Variants in CLCN6 observed in about 807,000 individuals in gnomAD.
CLCN6 encodes H(+)/Cl(-) exchange transporter 6.
In CLCN6, 70 loss-of-function variants were observed where a neutral mutation model predicts 109.8. That is an observed-to-expected ratio of 0.64 (90% CI 0.53 to 0.78). The LOEUF (loss-of-function observed/expected upper bound fraction) is 0.78, where lower values mean the gene tolerates loss of function less well. Among genes scored for constraint, CLCN6 ranks in the 30% least tolerant of loss-of-function variants. The pLI is 0.00. For synonymous variants in CLCN6, 444 were observed against 447.8 expected (o/e 0.99, Z 0.11); for missense variants, 984 against 1,142.3 (o/e 0.86, Z 2.00).
chr1:11,822,545 C>T, intron 5 of CLCN6, 150 bp from the exon 6 acceptor site: 1 of 549,076 alleles, frequency 1.8e-6, no homozygotes, highest in Non-Finnish European at 3.3e-6. Flanking sequence ...ACCCAGTCAT[C>T]TCAGGCAGTT....
In CLCN6 at chr1:11,827,152, A is replaced by C. The variant is rs529897896; in HGVS notation, c.771A>C (p.Pro257=). ...GAGTTGCTGCAGCTTTCGGGGCGCC[A>C]ATCGGGGGTACCTTGTTCAGTCTAG... The part of the protein sequence containing the change: ...AAGVAAAFGA[P]IGGTLFSLEE... Residue 257 remains proline (P), a synonymous_variant, in exon 10 of 23, where the codon CCA becomes CCC. Transcript: ENST00000346436. 1.8e-5 allele frequency: 29 copies of C among 1,613,930 alleles called. No homozygotes were observed. In the South Asian group the frequency reaches 3.0e-4, roughly 17 times the overall value.
chr1:11,818,423 G>GA (rs113867470), intron 4 of CLCN6, among the ~76,000 whole-genome samples: 3 of 151,090 alleles, frequency 2.0e-5, no homozygotes, highest in Admixed American at 6.6e-5. Flanking sequence ...GTAGATATTC[G>GA]AAAAAAAAAT....
At chr1:11,815,032 CAAAA>C (rs35753548) in intron 2 of CLCN6, among the ~76,000 whole-genome samples, 14 of 125,278 alleles carry the variant, frequency 1.1e-4, no homozygotes, top group Non-Finnish European at 1.4e-4. Flanking sequence ...GACTCCGTCT[CAAAA>C]AAAAAAAAAA....
intron 9 of CLCN6, 57 bp downstream of exon 9, chr1:11,826,271 G>A (rs766834532): frequency 5.3e-5 from 73 of 1,381,856 alleles, no homozygotes; most frequent in Admixed American, 2.9e-4. Context: ...CATGCGCTGC[G>A]GGTCAGACTC....
At chr1:11,823,572 T>A (rs198399) in intron 6 of CLCN6, 135 bp from the exon 7 acceptor site, 485,864 of 1,148,646 alleles carry the variant, frequency 0.42, 111,144 homozygotes, top group African/African-American at 0.82. Flanking sequence ...GCTGTGGTTC[T>A]GCAAGCCCTC....
intron 18 of CLCN6, 76 bp from the exon 19 acceptor site, chr1:11,836,923 C>T: frequency 6.4e-7 from 1 of 1,553,800 alleles, no homozygotes; most frequent in Non-Finnish European, 8.7e-7. Flanking sequence ...TCCCTGTCAC[C>T]CAAATCCTTA....
At chr1:11,816,368 G>A (rs978901218) in intron 3 of CLCN6, among the ~76,000 whole-genome samples, 1 of 152,110 alleles carries the variant, frequency 6.6e-6, no homozygotes, top group Non-Finnish European at 1.5e-5. Flanking sequence ...TGCAAGGTAG[G>A]CCTATGTTGG....
chr1:11,823,060 G>T (rs1644765999), intron 6 of CLCN6, among the ~76,000 whole-genome samples: 1 of 152,138 alleles, frequency 6.6e-6, no homozygotes, highest in Non-Finnish European at 1.5e-5. Context: ...AAAACTGTTG[G>T]GTGCCATGCG....
chr1:11,826,974 A>C (rs568212850), intron 9 of CLCN6, 115 bp from the exon 10 acceptor site: 1 of 1,345,498 alleles, frequency 7.4e-7, no homozygotes, highest in South Asian at 1.3e-5. Context: ...CCCTTCCAGG[A>C]TCCCTGCCTA....
At chr1:11,806,628 G>A (rs2100594137) in intron 1 of CLCN6, 2 of 438,828 alleles carry the variant, frequency 4.6e-6, no homozygotes, top group East Asian at 7.5e-5. Context: ...AGTTTGGAAT[G>A]AAACAAGCGT....
chr1:11,837,554 G>A, intron 20 of CLCN6, 55 bp downstream of exon 20: 2 of 1,569,618 alleles, frequency 1.3e-6, no homozygotes, highest in Non-Finnish European at 8.7e-7. Flanking sequence ...AGCTCGAGGG[G>A]TTGGGCGCTG....
At chr1:11,814,021 C>G (rs1644636924) in intron 2 of CLCN6, among the ~76,000 whole-genome samples, 1 of 152,118 alleles carries the variant, frequency 6.6e-6, no homozygotes, top group African/African-American at 2.4e-5. Flanking sequence ...TACTCAGTCA[C>G]TTGTTGGTAC....
Position 11,834,050 on chromosome 1 carries a change from G to T in CLCN6, c.1526+20G>T. ...AAAAAGGTACTCTGTGTGTGTGCGT[G>T]TGTGTGCGCATGTGCATGTGTGTGC... is the stretch of plus-strand genomic sequence containing the variant. On this transcript the variant is annotated intron_variant, in intron 15 of 22. Coordinates refer to ENST00000346436, the MANE Select transcript of CLCN6 (RefSeq NM_001286.5). This position sits in a 1 kb window ranked among gnomAD's most constrained non-coding sequence, Gnocchi z 4.5. 1 of 1,612,692 alleles carries T rather than the reference G, an allele frequency of 6.2e-7. No homozygotes were observed. Among genetic ancestry groups the T allele is most frequent in the Non-Finnish European group, 8.5e-7 (1 of 1,179,176 alleles).
rs1170170695 is a variant in CLCN6 at position 11,840,405 on chromosome 1, G to A, written c.*182G>A. On this transcript the variant is annotated 3_prime_UTR_variant, in exon 23 of 23. Transcript: ENST00000346436. Reference sequence around the variant, plus strand: ...TCCTGGGGGTGGTTTTGAACCATCAGAGCTTGGACTTTTCTGACTTCCCCA... The same window carrying A: ...TCCTGGGGGTGGTTTTGAACCATCAAAGCTTGGACTTTTCTGACTTCCCCA... The A allele has an allele frequency of 8.0e-6, 5 of 626,570 alleles. No homozygotes were observed. Among genetic ancestry groups the A allele is most frequent in the Admixed American group, 5.1e-5 (2 of 39,424 alleles). The allele number at this position is 626,570 out of a possible 1,614,324, so 38.8% of individuals were successfully genotyped here.
chr1:11,821,568 A>G (rs1644744719), intron 5 of CLCN6, among the ~76,000 whole-genome samples: 1 of 152,230 alleles, frequency 6.6e-6, no homozygotes, highest in African/African-American at 2.4e-5. Flanking sequence ...AACAAATAAT[A>G]CAGGAAGAAC....
rs1645025513 is a variant in CLCN6, at chr1:11,841,654, C to T, written c.*1431C>T. 1 of 152,274 alleles carries T rather than the reference C, an allele frequency of 6.6e-6. No homozygotes were observed. The highest frequency in any genetic ancestry group is 2.1e-4 in the South Asian group (1 of 4,834). The allele number at this position is 152,274 out of a possible 1,614,324, so 9.4% of individuals were successfully genotyped here. A position where few individuals can be genotyped will look rare whatever the true frequency, so the allele number is the denominator to read the frequency against. Reference sequence around the variant, plus strand: ...GGGCCTCGGCACCTGGCCCTGGCAGCACAGCTCTCAGGCCCAGCCCTGGGC... The same window carrying T: ...GGGCCTCGGCACCTGGCCCTGGCAGTACAGCTCTCAGGCCCAGCCCTGGGC... On this transcript the variant is annotated 3_prime_UTR_variant, in exon 23 of 23. Transcript: ENST00000346436.
chr1:11,836,463 A>T (rs1379453516), intron 18 of CLCN6, among the ~76,000 whole-genome samples: 1 of 152,188 alleles, frequency 6.6e-6, no homozygotes, highest in Non-Finnish European at 1.5e-5. Context: ...AGCAACAGAA[A>T]TGGACTTCGA....
At chr1:11,831,505 G>A (rs1370399285) in intron 13 of CLCN6, among the ~76,000 whole-genome samples, 1 of 152,212 alleles carries the variant, frequency 6.6e-6, no homozygotes, top group East Asian at 1.9e-4. Context: ...ATGCCGCAGA[G>A]ACTGTACATC....
chr1:11,807,117 A>G lies in CLCN6; in HGVS notation c.88-14A>G, dbSNP rs1417909302. The G allele has an allele frequency of 6.2e-7, 1 of 1,613,574 alleles. No homozygotes were observed. Among genetic ancestry groups the G allele is most frequent in the Non-Finnish European group, 8.5e-7 (1 of 1,179,614 alleles). Reference sequence around the variant, plus strand: ...CCACTAAAAAAGGCTCCCTCTGCGGATCTGTTTTTCTAGACCATCCTTGGA... The same window carrying G: ...CCACTAAAAAAGGCTCCCTCTGCGGGTCTGTTTTTCTAGACCATCCTTGGA... On this transcript the variant is annotated splice_polypyrimidine_tract_variant and intron_variant, in intron 1 of 22. Coordinates refer to ENST00000346436, the MANE Select transcript of CLCN6 (RefSeq NM_001286.5).
Sources: allele counts gnomAD v4.1 joint callset (sites outside exome capture counted in the v4.1 genomes callset), GRCh38; gene constraint gnomAD v4.1.1; non-coding constraint Gnocchi (gnomAD v3.1); transcripts MANE v1.5; gene names NCBI Gene and HGNC (gene_info 2026-07-23, HGNC 2026-07-21).